Variants in FGFR2 observed in about 807,000 individuals in gnomAD.
FGFR2 encodes the protein fibroblast growth factor receptor 2.
FGFR2 carries 19 observed loss-of-function variants against 95.9 expected under a neutral mutation model. The ratio of observed to expected loss-of-function variants is 0.20; its 90% CI spans 0.14 to 0.29. FGFR2 has a LOEUF of 0.29. FGFR2 is among the 10% of genes least tolerant of loss of function. The pLI is 1.00. For synonymous variants in FGFR2, 392 were observed against 393.3 expected (o/e 1.00, Z 0.04); for missense variants, 707 against 1,056.9 (o/e 0.67, Z 4.59).
rs1855344123 is a variant in FGFR2, at chr10:121,551,152, G to GCA, written c.624+137_624+138insTG. ...GGAGAATCGCTTGAACCTGGGAGAT[G>GCA]GAGGTTGCAGTGAACCGAGATCGCA... On this transcript the variant is annotated intron_variant, in intron 5 of 17. Transcript: ENST00000358487. The GCA allele has an allele frequency of 4.3e-6, 4 of 929,034 alleles. No individual in the cohort carries two copies. The East Asian group carries it at 8.2e-5, about 19-fold the overall frequency. The allele number at this position is 929,034 out of a possible 1,614,324, so 57.5% of individuals were successfully genotyped here. A position where few individuals can be genotyped will look rare whatever the true frequency, so the allele number is the denominator to read the frequency against.
intron 6 of FGFR2, among the ~76,000 whole-genome samples, chr10:121,535,381 AT>A (rs1312005021): frequency 6.6e-6 from 1 of 152,232 alleles, no homozygotes; most frequent in Admixed American, 6.5e-5. Flanking sequence ...AAGCTAAATA[AT>A]TTGTCCCAAT....
At chr10:121,496,187 A>G (rs1315349828) in intron 13 of FGFR2, among the ~76,000 whole-genome samples, 2 of 149,462 alleles carry the variant, frequency 1.3e-5, no homozygotes, top group African/African-American at 4.9e-5. Context: ...AAGCTTAAGA[A>G]AAAAAAAAAA....
At chr10:121,503,343 A>T (rs1828458063) in intron 10 of FGFR2, among the ~76,000 whole-genome samples, 1 of 152,274 alleles carries the variant, frequency 6.6e-6, no homozygotes, top group Admixed American at 6.5e-5. Context: ...TGACATTAAT[A>T]ACCAATGAGA....
intron 1 of FGFR2, among the ~76,000 whole-genome samples, chr10:121,595,210 G>A (rs1304792491): frequency 6.6e-6 from 1 of 152,128 alleles, no homozygotes; most frequent in Admixed American, 6.5e-5. Context: ...GTACCCACTC[G>A]ATGTTTCAAG....
intron 4 of FGFR2, among the ~76,000 whole-genome samples, chr10:121,563,373 C>T (rs12242916): frequency 0.042 from 6,443 of 151,768 alleles, 451 homozygotes; most frequent in African/African-American, 0.15. Flanking sequence ...GACTGCATCT[C>T]GGGAAAAAAT....
chr10:121,531,921 G>A lies in FGFR2; in HGVS notation c.748+6671C>T, dbSNP rs530718327. ...GGTGCTTCCTCCTCAACTCCGCTCC[G>A]GTTCCGTGATCTGTCAACTAAATAA... On this transcript the variant is annotated intron_variant, in intron 6 of 17. Transcript: ENST00000358487. This position sits in a 1 kb window ranked among gnomAD's most constrained non-coding sequence, Gnocchi z 4.5. 2.6e-5 allele frequency among the ~76,000 whole-genome samples: 4 copies of A among 152,276 alleles called. No homozygotes were observed. Among genetic ancestry groups the A allele is most frequent in the South Asian group, 2.1e-4 (1 of 4,822 alleles).
At position 121,549,707 on chromosome 10, in the gene FGFR2, T is replaced by G. The variant is rs3135750; in HGVS notation, c.624+1583A>C. 6.2e-3 allele frequency among the ~76,000 whole-genome samples: 950 copies of G among 152,256 alleles called. 42 individuals are homozygous for G. In the East Asian group the frequency reaches 0.11, roughly 17 times the overall value. ...AAGAGGCCCGTGTGGCATGGAACAG[T>G]GGGCAGCCCCCAGCCAACAGTCAGT... On this transcript the variant is annotated intron_variant, in intron 5 of 17. Coordinates refer to ENST00000358487, the MANE Select transcript of FGFR2 (RefSeq NM_000141.5).
chr10:121,535,042 A>G (rs1852637640), intron 6 of FGFR2, among the ~76,000 whole-genome samples: 1 of 152,202 alleles, frequency 6.6e-6, no homozygotes, highest in African/African-American at 2.4e-5. Context: ...AAATCCAGTG[A>G]CAGGTGTCCT....
At chr10:121,523,131 T>C (rs938593174) in intron 6 of FGFR2, among the ~76,000 whole-genome samples, 17 of 152,146 alleles carry the variant, frequency 1.1e-4, no homozygotes, top group African/African-American at 4.1e-4. Context: ...TTCCAGAATC[T>C]CCCATCACTT....
chr10:121,575,877 A>T (rs937295623), intron 2 of FGFR2, among the ~76,000 whole-genome samples: 1 of 147,818 alleles, frequency 6.8e-6, no homozygotes, highest in Non-Finnish European at 1.5e-5. Context: ...AAATAAATAA[A>T]AATAATAATA....
At chr10:121,547,414 T>G (rs1854684949) in intron 5 of FGFR2, among the ~76,000 whole-genome samples, 1 of 151,128 alleles carries the variant, frequency 6.6e-6, no homozygotes, top group Non-Finnish European at 1.5e-5. Flanking sequence ...TTTTTTTTTT[T>G]GACAGAGTCT....
chr10:121,479,617 G>A lies in FGFR2; in HGVS notation c.*240C>T, dbSNP rs925125524. 1 of 1,551,740 alleles carries A rather than the reference G, an allele frequency of 6.4e-7. No individual in the cohort carries two copies. Among genetic ancestry groups the A allele is most frequent in the East Asian group, 2.4e-5 (1 of 40,926 alleles). Reference sequence around the variant, plus strand: ...CAGCCAGTACGCACGGCAGGTGAGAGGGGTTACATGGTGGCTTGTGGCAGT... The same window carrying A: ...CAGCCAGTACGCACGGCAGGTGAGAAGGGTTACATGGTGGCTTGTGGCAGT... On this transcript the variant is annotated 3_prime_UTR_variant, in exon 18 of 18. Coordinates refer to ENST00000358487, the MANE Select transcript of FGFR2 (RefSeq NM_000141.5).
chr10:121,576,244 G>C (rs1034077721), intron 2 of FGFR2, among the ~76,000 whole-genome samples: 14 of 152,168 alleles, frequency 9.2e-5, no homozygotes, highest in Non-Finnish European at 1.5e-4. Context: ...TTCCCAAAGC[G>C]ACAGGCCATT....
intron 5 of FGFR2, among the ~76,000 whole-genome samples, chr10:121,550,304 T>A (rs551763824): frequency 1.3e-5 from 2 of 152,286 alleles, no homozygotes; most frequent in Non-Finnish European, 2.9e-5. Flanking sequence ...TGGACTGGAC[T>A]AAGAGCCCCT....
At position 121,506,758 on chromosome 10, in the gene FGFR2, G is replaced by A. The variant is rs199993197; in HGVS notation, c.1288-2817C>T. Among the ~76,000 whole-genome samples the A allele has an allele frequency of 1.4e-4, 22 of 152,352 alleles. No individual in the cohort carries two copies. In the East Asian group the frequency reaches 4.2e-3, roughly 29 times the overall value. On this transcript the variant is annotated intron_variant, in intron 9 of 17. Transcript: ENST00000358487. ...GGAAGGATATATAAGAGACTTAGCA[G>A]TGATCACCTGTGGGCAGAGAGATTA... is the stretch of plus-strand genomic sequence containing the variant.
At chr10:121,579,903 G>A (rs1860556049) in intron 2 of FGFR2, among the ~76,000 whole-genome samples, 1 of 152,192 alleles carries the variant, frequency 6.6e-6, no homozygotes, top group Non-Finnish European at 1.5e-5. Context: ...CAGGTTTTCA[G>A]GGACAGTCAC....
At chr10:121,496,217 G>A (rs944225714) in intron 13 of FGFR2, among the ~76,000 whole-genome samples, 4 of 151,430 alleles carry the variant, frequency 2.6e-5, no homozygotes, top group South Asian at 2.1e-4. Context: ...AAAATCATCC[G>A]AATTAAAGGG....
intron 13 of FGFR2, among the ~76,000 whole-genome samples, chr10:121,495,670 G>A (rs1846702079): frequency 6.6e-6 from 1 of 152,186 alleles, no homozygotes; most frequent in African/African-American, 2.4e-5. Context: ...ACTTGAGTTT[G>A]TGACTCTTCA....
chr10:121,552,161 A>C (rs1188839283), intron 4 of FGFR2, among the ~76,000 whole-genome samples: 1 of 152,194 alleles, frequency 6.6e-6, no homozygotes, highest in Non-Finnish European at 1.5e-5. Context: ...CAATTAAATG[A>C]TATGTTAAAG....
Sources: gnomAD v4.1 joint callset for allele counts (sites outside exome capture counted in the v4.1 genomes callset) on GRCh38, gnomAD v4.1.1 for gene constraint, Gnocchi (gnomAD v3.1) non-coding constraint, MANE v1.5 for transcripts, NCBI Gene and HGNC (gene_info 2026-07-23, HGNC 2026-07-21) for gene names.